The following GALNT13 variants were observed in gnomAD, a reference collection of about 807,000 sequenced individuals.
The protein encoded by GALNT13 is UDP-GalNAc:polypeptide N-acetylgalactosaminyltransferase 13.
GALNT13 carries 28 observed loss-of-function variants against 64.2 expected under a neutral mutation model. That is an observed-to-expected ratio of 0.44 (90% confidence interval 0.32 to 0.60). GALNT13 has a LOEUF of 0.60. Among genes scored for constraint, GALNT13 ranks in the 20% least tolerant of loss-of-function variants. GALNT13 has a pLI of 0.05. For missense variants in GALNT13, 577 were observed against 669.8 expected (o/e 0.86, Z 1.53); for synonymous variants, 214 against 224.6 (o/e 0.95, Z 0.42).
the GALNT13 span, among the ~76,000 whole-genome samples, chr2:153,500,018 T>TC: frequency 6.6e-6 from 1 of 152,018 alleles, no homozygotes; most frequent in Non-Finnish European, 1.5e-5. Context: ...CAGCCATGCC[T>TC]CCCCCACTGC....
chr2:153,843,988 CA>C, the GALNT13 span, among the ~76,000 whole-genome samples: 129 of 152,202 alleles, frequency 8.5e-4, no homozygotes, highest in Non-Finnish European at 1.1e-3. Flanking sequence ...GCTGCTCTCA[CA>C]GGTTGTTTAG....
the GALNT13 span, among the ~76,000 whole-genome samples, chr2:153,439,510 G>A: frequency 6.6e-6 from 1 of 152,154 alleles, no homozygotes; most frequent in East Asian, 1.9e-4. Context: ...ACTCAAGCCT[G>A]GGCAATAGCA....
the GALNT13 span, among the ~76,000 whole-genome samples, chr2:153,323,731 T>A: frequency 0.033 from 4,954 of 152,296 alleles, 112 homozygotes; most frequent in Non-Finnish European, 0.05. Context: ...TCCAACACCA[T>A]TTAGTAAATG....
the GALNT13 span, among the ~76,000 whole-genome samples, chr2:153,608,051 G>A: frequency 1.3e-5 from 2 of 152,148 alleles, no homozygotes; most frequent in East Asian, 1.9e-4. Context: ...CCACTGGAAG[G>A]ATCAAGAATT....
chr2:153,409,390 A>C, the GALNT13 span, among the ~76,000 whole-genome samples: 33,049 of 150,084 alleles, frequency 0.22, 3,809 homozygotes, highest in Non-Finnish European at 0.25. Flanking sequence ...ATATATATAT[A>C]TCTCCTAGTA....
At chr2:153,828,716 C>T in the GALNT13 span, among the ~76,000 whole-genome samples, 1 of 152,198 alleles carries the variant, frequency 6.6e-6, no homozygotes, top group Non-Finnish European at 1.5e-5. Context: ...CTCCTCGTTA[C>T]TTATGCAAAT....
intron 4 of GALNT13, among the ~76,000 whole-genome samples, chr2:154,207,379 A>C (rs922771619): frequency 3.9e-5 from 6 of 151,992 alleles, no homozygotes; most frequent in Non-Finnish European, 7.4e-5. Context: ...TTCCGTACCC[A>C]ATTTTATTAT....
At chr2:154,145,100 C>CTATCTATCTATCTATATA (rs796615512) in intron 4 of GALNT13, among the ~76,000 whole-genome samples, 4 of 119,530 alleles carry the variant, frequency 3.3e-5, no homozygotes, top group Non-Finnish European at 5.2e-5. Context: ...ATCTATCTAT[C>CTATCTATCTATCTATATA]TATATATATA....
the GALNT13 span, among the ~76,000 whole-genome samples, chr2:153,349,714 A>G: frequency 1.3e-5 from 2 of 152,108 alleles, no homozygotes; most frequent in African/African-American, 4.8e-5. Flanking sequence ...ACCTGCCACA[A>G]TGCTCCACAC....
the GALNT13 span, among the ~76,000 whole-genome samples, chr2:153,265,876 G>A: frequency 8.1e-4 from 123 of 152,208 alleles, no homozygotes; most frequent in African/African-American, 2.7e-3. Context: ...TTGATAAAAT[G>A]GCAGCAATAT....
the GALNT13 span, among the ~76,000 whole-genome samples, chr2:153,754,710 C>T: frequency 6.6e-6 from 1 of 152,094 alleles, no homozygotes; most frequent in Non-Finnish European, 1.5e-5. Context: ...TTTGTGTGCC[C>T]TCTCAGTCCT....
the GALNT13 span, among the ~76,000 whole-genome samples, chr2:153,723,907 C>T: frequency 4.1e-3 from 620 of 149,988 alleles, 2 homozygotes; most frequent in African/African-American, 0.015. Context: ...TCAATGCCAT[C>T]CCCATCAAGC....
the GALNT13 span, among the ~76,000 whole-genome samples, chr2:153,539,825 G>A: frequency 5.9e-5 from 9 of 152,184 alleles, 1 homozygote; most frequent in East Asian, 7.7e-4. Context: ...GTCAGGTAGT[G>A]TGATGCCTCC....
the GALNT13 span, among the ~76,000 whole-genome samples, chr2:153,389,118 G>C: frequency 6.6e-6 from 1 of 152,082 alleles, no homozygotes; most frequent in South Asian, 2.1e-4. Flanking sequence ...TACATGCATA[G>C]AGTTGTTAAT....
At chr2:154,139,048 A>G (rs1421501469) in intron 3 of GALNT13, among the ~76,000 whole-genome samples, 1 of 151,988 alleles carries the variant, frequency 6.6e-6, no homozygotes, top group Non-Finnish European at 1.5e-5. Flanking sequence ...ATTTTTATAT[A>G]TGTGAGAGGA....
chr2:153,116,247 G>A, the GALNT13 span, among the ~76,000 whole-genome samples: 381 of 152,158 alleles, frequency 2.5e-3, 5 homozygotes, highest in Non-Finnish European at 4.1e-3. Context: ...AACTTATTTG[G>A]CATGTTTTGT....
the GALNT13 span, among the ~76,000 whole-genome samples, chr2:153,712,410 G>C: frequency 6.6e-6 from 1 of 151,946 alleles, no homozygotes; most frequent in African/African-American, 2.4e-5. Flanking sequence ...TCTTGCCCTA[G>C]GTTCTTATCA....
chr2:153,773,281 C>T, the GALNT13 span, among the ~76,000 whole-genome samples: 4 of 152,196 alleles, frequency 2.6e-5, no homozygotes, highest in African/African-American at 4.8e-5. Flanking sequence ...CTACCTAGGT[C>T]GGGTGGGCTT....
chr2:154,097,501 A>T (rs1365273404), intron 3 of GALNT13, among the ~76,000 whole-genome samples: 2 of 152,128 alleles, frequency 1.3e-5, no homozygotes, highest in African/African-American at 2.4e-5. Context: ...TAAAGATAAT[A>T]TACACTGTTT....
Sources: gnomAD v4.1 joint callset for allele counts (sites outside exome capture counted in the v4.1 genomes callset) on GRCh38, gnomAD v4.1.1 for gene constraint, MANE v1.5 for transcripts, NCBI Gene and HGNC (gene_info 2026-07-23, HGNC 2026-07-21) for gene names.